LINGO2: variants seen among roughly 807,000 people sequenced by gnomAD.
LINGO2 encodes the protein leucine-rich repeat and immunoglobulin-like domain-containing nogo receptor-interacting protein 2.
A neutral mutation model predicts 30.6 loss-of-function variants in LINGO2; 14 were observed. The observed-to-expected ratio is 0.46, with a 90% CI of 0.30 to 0.72. The LOEUF (loss-of-function observed/expected upper bound fraction) is 0.72, where lower values mean the gene tolerates loss of function less well. Among genes scored for constraint, LINGO2 ranks in the 30% least tolerant of loss-of-function variants. The pLI is 0.07. For synonymous variants in LINGO2, 317 were observed against 288.5 expected, an observed-to-expected ratio of 1.10 and a Z score of -1.00; for missense variants, 729 against 751.7, an observed-to-expected ratio of 0.97 and a Z score of 0.35.
chr9:28,036,409 T>C (rs1162339168), intron 4 of LINGO2, among the ~76,000 whole-genome samples: 1 of 152,158 alleles, frequency 6.6e-6, no homozygotes, highest in African/African-American at 2.4e-5. Context: ...AGCTGGATTA[T>C]TGTGGGTCCT....
At chr9:29,113,333 T>C in the LINGO2 span, among the ~76,000 whole-genome samples, 1 of 152,216 alleles carries the variant, frequency 6.6e-6, no homozygotes, top group Non-Finnish European at 1.5e-5. Context: ...GAAACCTCGA[T>C]GCTTTGCAAA....
At chr9:29,089,604 G>GA in the LINGO2 span, among the ~76,000 whole-genome samples, 1 of 151,976 alleles carries the variant, frequency 6.6e-6, no homozygotes, top group African/African-American at 2.4e-5. Context: ...CCTAGTTTTT[G>GA]AGGTCTTTGG....
the LINGO2 span, among the ~76,000 whole-genome samples, chr9:29,017,993 T>C: frequency 3.3e-5 from 5 of 150,248 alleles, no homozygotes; most frequent in East Asian, 7.8e-4. Flanking sequence ...TGCCCATCAA[T>C]GGTGGACTGG....
chr9:28,731,145 A>C, the LINGO2 span, among the ~76,000 whole-genome samples: 4 of 151,846 alleles, frequency 2.6e-5, no homozygotes, highest in Admixed American at 1.3e-4. Flanking sequence ...ATGCACCACC[A>C]CACCCGGCTA....
At chr9:28,325,773 A>C (rs7861858) in intron 3 of LINGO2, among the ~76,000 whole-genome samples, 139,809 of 152,054 alleles carry the variant, frequency 0.92, 64,689 homozygotes, top group East Asian at 0.99. Flanking sequence ...ATGCCTTTAT[A>C]GGCAGTGTGA....
At chr9:28,366,917 T>G (rs773938526) in intron 3 of LINGO2, among the ~76,000 whole-genome samples, 1 of 152,016 alleles carries the variant, frequency 6.6e-6, no homozygotes, top group Non-Finnish European at 1.5e-5. Flanking sequence ...ACCTCTTATA[T>G]TTGTATATTT....
intron 4 of LINGO2, among the ~76,000 whole-genome samples, chr9:28,034,809 C>T (rs536731295): frequency 1.3e-4 from 20 of 152,276 alleles, no homozygotes; most frequent in Non-Finnish European, 2.8e-4. Context: ...AATTGCTTTT[C>T]TTCAGAGACC....
At chr9:28,166,622 A>G (rs1828433954) in intron 4 of LINGO2, among the ~76,000 whole-genome samples, 1 of 152,194 alleles carries the variant, frequency 6.6e-6, no homozygotes, top group Admixed American at 6.5e-5. Context: ...TTTAAAGAAG[A>G]GAAGAAGTCT....
At chr9:28,150,850 C>T (rs923258856) in intron 4 of LINGO2, among the ~76,000 whole-genome samples, 2 of 152,200 alleles carry the variant, frequency 1.3e-5, no homozygotes, top group Non-Finnish European at 2.9e-5. Flanking sequence ...TAGTTAGTCG[C>T]TTCCTAAGTG....
At chr9:28,799,482 A>T in the LINGO2 span, among the ~76,000 whole-genome samples, 1 of 152,144 alleles carries the variant, frequency 6.6e-6, no homozygotes, top group African/African-American at 2.4e-5. Context: ...AAATTATCAA[A>T]CAAATGTTTG....
At chr9:28,921,708 A>G in the LINGO2 span, among the ~76,000 whole-genome samples, 3 of 152,114 alleles carry the variant, frequency 2.0e-5, no homozygotes, top group African/African-American at 4.8e-5. Flanking sequence ...AGTAACTTCC[A>G]TTCATCCTTC....
the LINGO2 span, among the ~76,000 whole-genome samples, chr9:28,689,506 G>A: frequency 2.7e-3 from 417 of 151,788 alleles, 3 homozygotes; most frequent in African/African-American, 9.6e-3. Context: ...ACCACAATGA[G>A]ATACCATCTC....
At chr9:28,017,254 G>A (rs1196976152) in intron 4 of LINGO2, among the ~76,000 whole-genome samples, 1 of 152,106 alleles carries the variant, frequency 6.6e-6, no homozygotes, top group Non-Finnish European at 1.5e-5. Context: ...GGCAAAAGCT[G>A]GAAACATTCT....
chr9:29,002,304 T>C, the LINGO2 span, among the ~76,000 whole-genome samples: 2 of 152,088 alleles, frequency 1.3e-5, no homozygotes, highest in Non-Finnish European at 2.9e-5. Flanking sequence ...TAATCATGTT[T>C]TGAACAGCAA....
chr9:28,144,569 T>C (rs1318604118), intron 4 of LINGO2, among the ~76,000 whole-genome samples: 1 of 152,222 alleles, frequency 6.6e-6, no homozygotes, highest in East Asian at 1.9e-4. Flanking sequence ...TTTTGGTCTT[T>C]GGAAAATAAC....
At chr9:28,941,203 T>TA in the LINGO2 span, among the ~76,000 whole-genome samples, 17 of 152,244 alleles carry the variant, frequency 1.1e-4, no homozygotes, top group African/African-American at 4.1e-4. Context: ...CAGAAAAACT[T>TA]AGAGACTCTG....
At chr9:28,006,846 C>T (rs1255773742) in intron 5 of LINGO2, among the ~76,000 whole-genome samples, 1 of 152,132 alleles carries the variant, frequency 6.6e-6, no homozygotes, top group Admixed American at 6.6e-5. Context: ...TAAAACTAAA[C>T]AGCAATACCT....
At chr9:28,914,959 T>A in the LINGO2 span, among the ~76,000 whole-genome samples, 11 of 151,896 alleles carry the variant, frequency 7.2e-5, no homozygotes, top group Non-Finnish European at 1.3e-4. Context: ...TGGTGAAACC[T>A]CATCTCTACT....
chr9:28,656,129 G>A (rs1264344037), intron 1 of LINGO2, among the ~76,000 whole-genome samples: 1 of 151,976 alleles, frequency 6.6e-6, no homozygotes, highest in Admixed American at 6.6e-5. Flanking sequence ...TGACCTTCAT[G>A]CTGAAGACAA....
Sources: allele counts gnomAD v4.1 joint callset (sites outside exome capture counted in the v4.1 genomes callset), GRCh38; gene constraint gnomAD v4.1.1; transcripts MANE v1.5; gene names NCBI Gene and HGNC (gene_info 2026-07-23, HGNC 2026-07-21).